The following GRIN2A variants were observed in gnomAD, a reference collection of about 807,000 sequenced individuals.
GRIN2A encodes glutamate receptor ionotropic, NMDA 2A.
In GRIN2A, 22 loss-of-function variants were observed where a neutral mutation model predicts 113.4. That is an observed-to-expected ratio of 0.19 (90% CI 0.14 to 0.28). The LOEUF (loss-of-function observed/expected upper bound fraction) is 0.28. GRIN2A is among the 10% of genes least tolerant of loss of function. GRIN2A has a pLI of 1.00. For synonymous variants in GRIN2A, 827 were observed against 738.4 expected (o/e 1.12, Z -1.94); for missense variants, 1,502 against 1,887.0 (o/e 0.80, Z 3.78).
intron 2 of GRIN2A, among the ~76,000 whole-genome samples, chr16:9,969,207 C>G (rs1350761601): frequency 9.2e-5 from 14 of 152,106 alleles, no homozygotes; most frequent in Non-Finnish European, 1.5e-4. Flanking sequence ...GTCCCATGGT[C>G]CTTTTTTGAA....
chr16:9,890,705 T>C (rs1160619193), intron 4 of GRIN2A, among the ~76,000 whole-genome samples: 1 of 152,228 alleles, frequency 6.6e-6, no homozygotes, highest in African/African-American at 2.4e-5. Context: ...CAACCCAGAC[T>C]TCACTGTCTT....
intron 4 of GRIN2A, among the ~76,000 whole-genome samples, chr16:9,885,205 G>C (rs1313809898): frequency 1.3e-5 from 2 of 152,146 alleles, no homozygotes; most frequent in Non-Finnish European, 2.9e-5. Flanking sequence ...GCTGGCCACA[G>C]AGCTGGCATA....
intron 5 of GRIN2A, 40 bp from the exon 6 acceptor site, chr16:9,841,144 G>A (rs1279102753): frequency 2.0e-6 from 3 of 1,529,644 alleles, no homozygotes; most frequent in Non-Finnish European, 1.8e-6. Flanking sequence ...TGTTAGCACT[G>A]GAAGGTTTGT....
intron 2 of GRIN2A, among the ~76,000 whole-genome samples, chr16:10,113,763 AG>A (rs1274232270): frequency 6.6e-6 from 1 of 152,244 alleles, no homozygotes; most frequent in African/African-American, 2.4e-5. Context: ...TATATGCAGA[AG>A]GAAATAAATG....
At chr16:10,108,833 C>A (rs1436870773) in intron 2 of GRIN2A, among the ~76,000 whole-genome samples, 3 of 152,044 alleles carry the variant, frequency 2.0e-5, no homozygotes, top group African/African-American at 7.2e-5. Context: ...GCACATAACA[C>A]ATAAAATAAT....
chr16:10,076,460 T>C (rs1344454312), intron 2 of GRIN2A, among the ~76,000 whole-genome samples: 1 of 152,190 alleles, frequency 6.6e-6, no homozygotes, highest in Non-Finnish European at 1.5e-5. Flanking sequence ...GGGTCTGCCA[T>C]GAACTCTTAC....
chr16:10,137,657 T>C (rs1416664333), intron 2 of GRIN2A, among the ~76,000 whole-genome samples: 2 of 152,216 alleles, frequency 1.3e-5, no homozygotes, highest in Non-Finnish European at 2.9e-5. Flanking sequence ...TCACGTGCCA[T>C]TTTTCTTCTT....
intron 2 of GRIN2A, among the ~76,000 whole-genome samples, chr16:9,990,281 A>C (rs188716665): frequency 5.9e-5 from 9 of 152,288 alleles, no homozygotes; most frequent in Admixed American, 2.0e-4. Flanking sequence ...TAACAAGGGA[A>C]CAGAAATCCA....
rs945077797 is a variant in GRIN2A at position 9,758,242 on chromosome 16, G to C, written c.*4907C>G. 1 of 222,536 alleles carries C rather than the reference G, an allele frequency of 4.5e-6. No homozygotes were observed. The highest frequency in any genetic ancestry group is 2.2e-5 in the African/African-American group (1 of 44,676). The allele number at this position is 222,536 out of a possible 1,614,324, so 13.8% of individuals were successfully genotyped here. On this transcript the variant is annotated 3_prime_UTR_variant, in exon 13 of 13. Coordinates refer to ENST00000330684, the MANE Select transcript of GRIN2A (RefSeq NM_001134407.3). ...AGAAAGAGTGCAGGTGAGGAAAGAGGATAAGGAATTTAAATAGGAAATCTA... is the reference window on the plus strand; with the variant it reads ...AGAAAGAGTGCAGGTGAGGAAAGAGCATAAGGAATTTAAATAGGAAATCTA...
intron 2 of GRIN2A, among the ~76,000 whole-genome samples, chr16:10,137,946 G>C (rs148055412): frequency 8.9e-4 from 135 of 152,274 alleles, no homozygotes; most frequent in African/African-American, 3.0e-3. Context: ...TTGAGATAAT[G>C]GGCTGTACAG....
intron 2 of GRIN2A, among the ~76,000 whole-genome samples, chr16:10,156,751 G>A (rs1307008232): frequency 1.3e-5 from 2 of 152,284 alleles, no homozygotes; most frequent in Non-Finnish European, 2.9e-5. Context: ...ACAATGACAT[G>A]TTTCACACTT....
intron 2 of GRIN2A, among the ~76,000 whole-genome samples, chr16:9,987,491 C>A (rs994890787): frequency 6.6e-6 from 1 of 152,080 alleles, no homozygotes; most frequent in Admixed American, 6.6e-5. Context: ...TATCCAAATG[C>A]AGTAAAATAA....
chr16:10,126,458 C>G (rs893762448), intron 2 of GRIN2A, among the ~76,000 whole-genome samples: 22 of 152,278 alleles, frequency 1.4e-4, no homozygotes, highest in African/African-American at 5.1e-4. Flanking sequence ...AGAGCCAGTG[C>G]CCAGCCAGTT....
chr16:10,056,952 C>G (rs1008893998), intron 2 of GRIN2A, among the ~76,000 whole-genome samples: 5 of 152,066 alleles, frequency 3.3e-5, no homozygotes, highest in African/African-American at 1.2e-4. Flanking sequence ...CCCCTACCAA[C>G]TACTCCATCT....
intron 2 of GRIN2A, among the ~76,000 whole-genome samples, chr16:9,953,535 G>A (rs1320998735): frequency 6.6e-6 from 1 of 152,152 alleles, no homozygotes; most frequent in African/African-American, 2.4e-5. Flanking sequence ...CAGGTCTGAA[G>A]ATGAGAAAGG....
chr16:9,872,339 C>T (rs1170653455), intron 4 of GRIN2A, among the ~76,000 whole-genome samples: 1 of 152,148 alleles, frequency 6.6e-6, no homozygotes, highest in Non-Finnish European at 1.5e-5. Flanking sequence ...GAGGAAGTCG[C>T]CAGCCCACTT....
intron 2 of GRIN2A, among the ~76,000 whole-genome samples, chr16:10,066,404 G>C (rs1354948121): frequency 2.0e-5 from 3 of 152,208 alleles, no homozygotes; most frequent in Admixed American, 2.0e-4. Context: ...AGGAGCAGCA[G>C]AGAGTTTCAA....
At chr16:10,098,972 G>GA (rs2048346257) in intron 2 of GRIN2A, among the ~76,000 whole-genome samples, 3 of 146,370 alleles carry the variant, frequency 2.0e-5, no homozygotes, top group African/African-American at 7.9e-5. Context: ...TTTAGAAAAG[G>GA]AAAAATAAAT....
chr16:9,885,819 C>T (rs2043576076), intron 4 of GRIN2A, among the ~76,000 whole-genome samples: 1 of 152,184 alleles, frequency 6.6e-6, no homozygotes, highest in African/African-American at 2.4e-5. Flanking sequence ...ATTTCTGAAG[C>T]ACTAGATCCC....
Sources: allele counts gnomAD v4.1 joint callset (sites outside exome capture counted in the v4.1 genomes callset), GRCh38; gene constraint gnomAD v4.1.1; transcripts MANE v1.5; gene names NCBI Gene and HGNC (gene_info 2026-07-23, HGNC 2026-07-21).